Variants in ARHGEF3 observed in about 807,000 individuals in gnomAD.
ARHGEF3 encodes Rho guanine nucleotide exchange factor 3, also known as 59.8 kDA protein.
A neutral mutation model predicts 63.2 loss-of-function variants in ARHGEF3; 28 were observed. That is an observed-to-expected ratio of 0.44 (90% confidence interval 0.33 to 0.61). ARHGEF3 has a LOEUF of 0.61. ARHGEF3 is among the 20% of genes least tolerant of loss of function. ARHGEF3 has a pLI of 0.03. For synonymous variants in ARHGEF3, 266 were observed against 254.2 expected (o/e 1.05, Z -0.44); for missense variants, 533 against 659.3 (o/e 0.81, Z 2.10).
chr3:56,853,763 C>T (rs956440419), intron 4 of ARHGEF3, among the ~76,000 whole-genome samples: 10 of 152,256 alleles, frequency 6.6e-5, no homozygotes, highest in East Asian at 1.9e-4. Context: ...GTATTTGTGA[C>T]GCACATACTA....
chr3:56,935,907 A>C (rs922310241), intron 3 of ARHGEF3, among the ~76,000 whole-genome samples: 1 of 152,204 alleles, frequency 6.6e-6, no homozygotes, highest in Admixed American at 6.5e-5. Context: ...CCTATGAGCT[A>C]CATATGATTT....
At chr3:56,876,172 G>C (rs2040580298) in intron 4 of ARHGEF3, among the ~76,000 whole-genome samples, 1 of 152,290 alleles carries the variant, frequency 6.6e-6, no homozygotes, top group South Asian at 2.1e-4. Context: ...AAACCAGCAT[G>C]GTTGGCCTGC....
intron 4 of ARHGEF3, among the ~76,000 whole-genome samples, chr3:56,868,097 C>T (rs2040316364): frequency 6.6e-6 from 1 of 152,060 alleles, no homozygotes; most frequent in East Asian, 1.9e-4. Flanking sequence ...TAAAATGGAA[C>T]AGTACCCCAC....
At chr3:56,995,672 A>AGAGAGAGAGAGT (rs1491108597) in intron 2 of ARHGEF3, among the ~76,000 whole-genome samples, 1 of 131,430 alleles carries the variant, frequency 7.6e-6, no homozygotes, top group African/African-American at 2.8e-5. Context: ...AGAGAGAGAG[A>AGAGAGAGAGAGT]ATTTTTTTTA....
intron 4 of ARHGEF3, among the ~76,000 whole-genome samples, chr3:56,868,593 C>A (rs1269791920): frequency 1.3e-5 from 2 of 152,082 alleles, no homozygotes; most frequent in East Asian, 1.9e-4. Flanking sequence ...GAACTCCTGG[C>A]CTCAGGTGAT....
intron 4 of ARHGEF3, among the ~76,000 whole-genome samples, chr3:56,865,943 C>T (rs1448225187): frequency 6.6e-6 from 1 of 152,000 alleles, no homozygotes; most frequent in Non-Finnish European, 1.5e-5. Context: ...AAAATGCAAT[C>T]ACCTCTGTTA....
chr3:56,878,268 C>T (rs1453400369), intron 4 of ARHGEF3, among the ~76,000 whole-genome samples: 1 of 152,188 alleles, frequency 6.6e-6, no homozygotes, highest in Non-Finnish European at 1.5e-5. Flanking sequence ...TCCCTGAAAC[C>T]ATCCTACTCA....
chr3:57,033,978 G>T (rs1703843827), intron 2 of ARHGEF3, among the ~76,000 whole-genome samples: 1 of 152,010 alleles, frequency 6.6e-6, no homozygotes. Flanking sequence ...CCAGGAGGTG[G>T]AGGTTGCAGT....
chr3:56,881,301 A>G (rs1578749408), intron 4 of ARHGEF3, among the ~76,000 whole-genome samples: 1 of 152,194 alleles, frequency 6.6e-6, no homozygotes, highest in Non-Finnish European at 1.5e-5. Context: ...AGTAGCTTTC[A>G]TGGTCTCCAC....
At chr3:56,927,502 G>A (rs1436264704) in intron 3 of ARHGEF3, among the ~76,000 whole-genome samples, 2 of 152,048 alleles carry the variant, frequency 1.3e-5, no homozygotes, top group Non-Finnish European at 2.9e-5. Flanking sequence ...TATACGATAT[G>A]TAACATTATA....
intron 2 of ARHGEF3, among the ~76,000 whole-genome samples, chr3:57,006,219 T>C (rs1317623264): frequency 6.6e-6 from 1 of 152,202 alleles, no homozygotes; most frequent in African/African-American, 2.4e-5. Context: ...ATCCCAGTCA[T>C]GCATTAAAGT....
intron 1 of ARHGEF3, among the ~76,000 whole-genome samples, chr3:57,041,038 C>T (rs901170227): frequency 2.2e-4 from 34 of 152,206 alleles, no homozygotes; most frequent in Admixed American, 2.1e-3. Flanking sequence ...ATCATTTGGA[C>T]TTCATTATGA....
intron 2 of ARHGEF3, among the ~76,000 whole-genome samples, chr3:57,004,315 T>C (rs1702386035): frequency 6.6e-6 from 1 of 152,246 alleles, no homozygotes; most frequent in Admixed American, 6.5e-5. Flanking sequence ...TCCGCCCTGA[T>C]AACGTGTCCA....
Position 56,775,139 on chromosome 3 carries a change from A to G in ARHGEF3, c.97-1323T>C, listed in dbSNP as rs780988971. The G allele has an allele frequency of 1.3e-5, 20 of 1,541,660 alleles. No homozygotes were observed. In the South Asian group the frequency reaches 2.3e-4, roughly 18 times the overall value. On this transcript the variant is annotated intron_variant, in intron 1 of 9. Coordinates refer to ENST00000296315, the MANE Select transcript of ARHGEF3 (RefSeq NM_019555.3). ...TTCCAGAGGGAGCCTCTAGGTATTC[A>G]TCTTTCCTTTTCAGCCATTGCTTTC...
At chr3:56,807,786 T>A (rs529631388) in intron 4 of ARHGEF3, among the ~76,000 whole-genome samples, 2 of 152,296 alleles carry the variant, frequency 1.3e-5, no homozygotes, top group African/African-American at 4.8e-5. Context: ...CTATTCTCCC[T>A]TTGCCTGAGG....
intron 6 of ARHGEF3, among the ~76,000 whole-genome samples, chr3:56,747,441 G>A (rs919114167): frequency 4.6e-5 from 7 of 152,142 alleles, no homozygotes; most frequent in African/African-American, 1.7e-4. Context: ...CACCGGCTAG[G>A]AGAGGCCCCA....
At chr3:56,973,559 C>T (rs1220056552) in intron 2 of ARHGEF3, among the ~76,000 whole-genome samples, 1 of 152,050 alleles carries the variant, frequency 6.6e-6, no homozygotes, top group Non-Finnish European at 1.5e-5. Context: ...AGACTATTTT[C>T]AGAAATCATC....
At chr3:56,844,390 T>C (rs1362655786) in intron 4 of ARHGEF3, among the ~76,000 whole-genome samples, 1 of 152,194 alleles carries the variant, frequency 6.6e-6, no homozygotes, top group East Asian at 1.9e-4. Context: ...ATGCTTGAAA[T>C]TGCTACCTGA....
chr3:57,045,634 C>A (rs1209555117), intron 1 of ARHGEF3, among the ~76,000 whole-genome samples: 1 of 152,230 alleles, frequency 6.6e-6, no homozygotes, highest in Non-Finnish European at 1.5e-5. Flanking sequence ...GAACTCTTAT[C>A]TCCTCACAGA....
Sources: gnomAD v4.1 joint callset for allele counts (sites outside exome capture counted in the v4.1 genomes callset) on GRCh38, gnomAD v4.1.1 for gene constraint, MANE v1.5 for transcripts, NCBI Gene and HGNC (gene_info 2026-07-23, HGNC 2026-07-21) for gene names.